SAMD5: variants seen among roughly 807,000 people sequenced by gnomAD.
The protein encoded by SAMD5 is sterile alpha motif domain-containing protein 5.
SAMD5 carries 13 observed loss-of-function variants against 11.3 expected under a neutral mutation model. That is an observed-to-expected ratio of 1.15 (90% confidence interval 0.75 to 1.83). SAMD5 has a LOEUF of 1.83. SAMD5 is among the 40% of genes most tolerant of loss of function. The probability of loss-of-function intolerance (pLI) is 0.00; values close to 1 mark genes in which losing one functional copy is unlikely to be tolerated. For missense variants in SAMD5, 255 were observed against 239.1 expected, an observed-to-expected ratio of 1.07 and a Z score of -0.44; for synonymous variants, 129 against 111.3, an observed-to-expected ratio of 1.16 and a Z score of -1.00.
At chr6:147,537,793 G>T (rs1339185437) in intron 1 of SAMD5, among the ~76,000 whole-genome samples, 3 of 151,672 alleles carry the variant, frequency 2.0e-5, no homozygotes, top group Non-Finnish European at 4.4e-5. Flanking sequence ...CTCTGATAGA[G>T]GAGACTCAGC....
At chr6:147,844,441 G>A in the SAMD5 span, among the ~76,000 whole-genome samples, 1 of 152,044 alleles carries the variant, frequency 6.6e-6, no homozygotes, top group African/African-American at 2.4e-5. Flanking sequence ...AAATTCCTCA[G>A]AAAACTGAAA....
At chr6:147,532,022 C>T (rs1301762297) in intron 1 of SAMD5, among the ~76,000 whole-genome samples, 3 of 152,232 alleles carry the variant, frequency 2.0e-5, no homozygotes, top group African/African-American at 7.2e-5. Context: ...GATAGTAAAA[C>T]TAACTATAAC....
intron 1 of SAMD5, among the ~76,000 whole-genome samples, chr6:147,641,779 T>C (rs929926400): frequency 2.6e-5 from 4 of 152,206 alleles, no homozygotes; most frequent in African/African-American, 9.7e-5. Flanking sequence ...TACAGAATCT[T>C]TTAACTTTAC....
At chr6:147,823,850 G>A in the SAMD5 span, among the ~76,000 whole-genome samples, 8 of 152,030 alleles carry the variant, frequency 5.3e-5, no homozygotes, top group Non-Finnish European at 1.0e-4. Flanking sequence ...ATATTTAGAG[G>A]TAAATAGAAT....
intron 1 of SAMD5, among the ~76,000 whole-genome samples, chr6:147,590,637 T>C (rs1020899834): frequency 1.4e-4 from 22 of 152,306 alleles, no homozygotes; most frequent in Non-Finnish European, 2.4e-4. Context: ...GGTCTCGAAC[T>C]CCTGAGTTCA....
chr6:147,661,576 T>G (rs1420993860), intron 1 of SAMD5, among the ~76,000 whole-genome samples: 1 of 152,172 alleles, frequency 6.6e-6, no homozygotes, highest in African/African-American at 2.4e-5. Flanking sequence ...AACCATAGCA[T>G]TCTATTAGTT....
intron 1 of SAMD5, among the ~76,000 whole-genome samples, chr6:147,688,268 T>C (rs1791046803): frequency 6.6e-6 from 1 of 152,180 alleles, no homozygotes; most frequent in African/African-American, 2.4e-5. Flanking sequence ...TGCCTCTTTC[T>C]CTTGTGTTCA....
At chr6:147,749,177 T>G in the SAMD5 span, among the ~76,000 whole-genome samples, 402 of 150,776 alleles carry the variant, frequency 2.7e-3, 3 homozygotes, top group African/African-American at 8.8e-3. Flanking sequence ...GTTTTGTTTT[T>G]TTTTTTTTTT....
At chr6:147,643,718 A>G (rs1790347557) in intron 1 of SAMD5, among the ~76,000 whole-genome samples, 1 of 151,136 alleles carries the variant, frequency 6.6e-6, no homozygotes, top group Non-Finnish European at 1.5e-5. Flanking sequence ...GAGACAGAAA[A>G]GAGGGAAAGA....
the SAMD5 span, among the ~76,000 whole-genome samples, chr6:147,759,217 T>A: frequency 6.6e-6 from 1 of 152,032 alleles, no homozygotes; most frequent in South Asian, 2.1e-4. Context: ...CATTATGGAG[T>A]GTTACTTGGT....
rs187422501 is a variant in SAMD5 at position 147,632,672 on chromosome 6, C to T, written c.163-104645C>T. Among the ~76,000 whole-genome samples, 326 of 152,228 alleles carry T rather than the reference C, an allele frequency of 2.1e-3. 3 individuals are homozygous for T. In the East Asian group the frequency reaches 0.03, roughly 14 times the overall value. ...GGTCCCAGTCCTTGGGTAAGAATTTCGACCACACAGTATTGACTGCTTCTA... is the reference window on the plus strand; with the variant it reads ...GGTCCCAGTCCTTGGGTAAGAATTTTGACCACACAGTATTGACTGCTTCTA... On this transcript the variant is annotated intron_variant, in intron 1 of 1. Transcript: ENST00000566741.
At chr6:147,800,867 A>C in the SAMD5 span, among the ~76,000 whole-genome samples, 1 of 152,196 alleles carries the variant, frequency 6.6e-6, no homozygotes, top group African/African-American at 2.4e-5. Flanking sequence ...CATTTTCATA[A>C]AATGAAACTA....
At chr6:147,534,204 C>CTTT (rs1478007219) in intron 1 of SAMD5, among the ~76,000 whole-genome samples, 2 of 152,172 alleles carry the variant, frequency 1.3e-5, no homozygotes, top group African/African-American at 4.8e-5. Context: ...GCGGTGAGCC[C>CTTT]TTTTACCTTT....
chr6:147,590,229 GGAGA>G (rs972651944), intron 1 of SAMD5, among the ~76,000 whole-genome samples: 1 of 152,074 alleles, frequency 6.6e-6, no homozygotes, highest in Non-Finnish European at 1.5e-5. Flanking sequence ...GGTTTTTGCA[GGAGA>G]GAGAGATTGT....
chr6:147,816,346 T>G, the SAMD5 span, among the ~76,000 whole-genome samples: 1 of 131,646 alleles, frequency 7.6e-6, no homozygotes, highest in Non-Finnish European at 1.6e-5. Flanking sequence ...TTGTATACTT[T>G]AAATATAAAT....
At chr6:147,820,606 C>T in the SAMD5 span, among the ~76,000 whole-genome samples, 4,609 of 152,184 alleles carry the variant, frequency 0.03, 99 homozygotes, top group Middle Eastern at 0.051. Context: ...AAAGTTACAC[C>T]GTAGGAGACC....
chr6:147,913,398 A>G, the SAMD5 span, among the ~76,000 whole-genome samples: 1 of 152,228 alleles, frequency 6.6e-6, no homozygotes, highest in African/African-American at 2.4e-5. Flanking sequence ...GAAGAATCAT[A>G]CAAATATGAA....
At chr6:147,531,554 G>T (rs1194742548) in intron 1 of SAMD5, among the ~76,000 whole-genome samples, 4 of 152,136 alleles carry the variant, frequency 2.6e-5, no homozygotes, top group Non-Finnish European at 5.9e-5. Context: ...TGAATGGAAT[G>T]CTCACTGGGA....
At chr6:147,799,933 C>T in the SAMD5 span, among the ~76,000 whole-genome samples, 2 of 152,050 alleles carry the variant, frequency 1.3e-5, no homozygotes. Context: ...CTCCTTTAAG[C>T]ACTTCTCTGT....
Sources: allele counts gnomAD v4.1 joint callset (sites outside exome capture counted in the v4.1 genomes callset), GRCh38; gene constraint gnomAD v4.1.1; transcripts MANE v1.5; gene names NCBI Gene and HGNC (gene_info 2026-07-23, HGNC 2026-07-21).